The following KCNT2 variants were observed in gnomAD, a reference collection of about 807,000 sequenced individuals.
KCNT2 encodes potassium channel subfamily T member 2.
KCNT2 carries 67 observed loss-of-function variants against 153.8 expected under a neutral mutation model. That is an observed-to-expected ratio of 0.44 (90% CI 0.36 to 0.53). The LOEUF (loss-of-function observed/expected upper bound fraction) is 0.53. KCNT2 is among the 20% of genes least tolerant of loss of function. The pLI is 0.00. For missense variants in KCNT2, 975 were observed against 1,354.8 expected, an observed-to-expected ratio of 0.72 and a Z score of 4.40; for synonymous variants, 500 against 458.8, an observed-to-expected ratio of 1.09 and a Z score of -1.15.
chr1:196,391,914 T>A lies in KCNT2; in HGVS notation c.1294+6649A>T, dbSNP rs1340662398. Among the ~76,000 whole-genome samples the A allele has an allele frequency of 3.3e-5, 5 of 151,422 alleles. No homozygotes were observed. The East Asian group carries it at 9.7e-4, about 29-fold the overall frequency. ...AAACATAAATGTGGTAAAAATAAAA[T>A]TTTGAGTTAATACTGAATTTTAAAA... On this transcript the variant is annotated intron_variant, in intron 13 of 27. Transcript: ENST00000294725.
At chr1:196,280,787 A>T (rs1209801548) in intron 25 of KCNT2, 73 bp downstream of exon 25, 1 of 1,305,160 alleles carries the variant, frequency 7.7e-7, no homozygotes, top group East Asian at 2.3e-5. Flanking sequence ...TTTATAAATC[A>T]GTTTATAAGC....
At chr1:196,434,296 G>T (rs1674423726) in intron 8 of KCNT2, among the ~76,000 whole-genome samples, 1 of 152,008 alleles carries the variant, frequency 6.6e-6, no homozygotes, top group East Asian at 1.9e-4. Flanking sequence ...AGAGAAGAAA[G>T]ATAACATATA....
At chr1:196,361,112 C>A (rs1051984417) in intron 14 of KCNT2, among the ~76,000 whole-genome samples, 10 of 151,786 alleles carry the variant, frequency 6.6e-5, no homozygotes, top group Admixed American at 6.6e-5. Flanking sequence ...GCCTATGGAG[C>A]GGATATGCAG....
chr1:196,588,375 T>A (rs994352570), intron 1 of KCNT2, among the ~76,000 whole-genome samples: 1 of 151,980 alleles, frequency 6.6e-6, no homozygotes, highest in African/African-American at 2.4e-5. Flanking sequence ...AATGAAAACA[T>A]GAATATTATC....
intron 16 of KCNT2, among the ~76,000 whole-genome samples, chr1:196,334,487 C>CTTTCTTTTTTTTTTTTTTTT (rs1553288400): frequency 1.7e-4 from 15 of 87,280 alleles, no homozygotes; most frequent in Admixed American, 6.8e-4. Context: ...TTCTTTCTTT[C>CTTTCTTTTTTTTTTTTTTTT]TTTTTTTTTT....
At chr1:196,366,189 C>T (rs1000918734) in intron 14 of KCNT2, among the ~76,000 whole-genome samples, 17 of 148,238 alleles carry the variant, frequency 1.1e-4, no homozygotes, top group African/African-American at 2.7e-4. Flanking sequence ...GACAGAGTTT[C>T]GCTCTTTTTG....
intron 12 of KCNT2, among the ~76,000 whole-genome samples, chr1:196,419,135 T>A (rs2148508311): frequency 6.6e-6 from 1 of 152,086 alleles, no homozygotes; most frequent in East Asian, 1.9e-4. Context: ...TATAAATAAC[T>A]TCTTTCTACT....
At chr1:196,564,683 GAAAT>G (rs548031418) in intron 1 of KCNT2, among the ~76,000 whole-genome samples, 37 of 151,850 alleles carry the variant, frequency 2.4e-4, no homozygotes, top group Non-Finnish European at 4.4e-4. Flanking sequence ...AGACAGCCTA[GAAAT>G]AAATAGATAC....
intron 8 of KCNT2, among the ~76,000 whole-genome samples, chr1:196,440,286 A>G (rs1353215493): frequency 6.6e-6 from 1 of 152,026 alleles, no homozygotes; most frequent in Non-Finnish European, 1.5e-5. Flanking sequence ...TTGTATGTAT[A>G]TGTTCCTTGA....
intron 13 of KCNT2, among the ~76,000 whole-genome samples, chr1:196,395,551 T>C (rs1408188529): frequency 6.6e-6 from 1 of 151,510 alleles, no homozygotes; most frequent in African/African-American, 2.4e-5. Flanking sequence ...GTATCCTTTT[T>C]AGTATTATAA....
At chr1:196,241,226 G>T (rs911556509) in intron 26 of KCNT2, among the ~76,000 whole-genome samples, 3 of 151,986 alleles carry the variant, frequency 2.0e-5, no homozygotes, top group Admixed American at 2.0e-4. Flanking sequence ...GTTAGTACAA[G>T]AAATACCTTA....
chr1:196,293,761 C>G (rs904805333), intron 22 of KCNT2, among the ~76,000 whole-genome samples: 4 of 151,292 alleles, frequency 2.6e-5, no homozygotes, highest in Non-Finnish European at 5.9e-5. Context: ...CAACATTGCT[C>G]TGGGCAATAA....
At chr1:196,497,522 T>C (rs554532075) in intron 1 of KCNT2, among the ~76,000 whole-genome samples, 1 of 152,308 alleles carries the variant, frequency 6.6e-6, no homozygotes, top group East Asian at 1.9e-4. Context: ...ATGCAAATCT[T>C]ATGCCATTTT....
intron 1 of KCNT2, among the ~76,000 whole-genome samples, chr1:196,596,815 C>T (rs1452283732): frequency 6.6e-6 from 1 of 152,112 alleles, no homozygotes; most frequent in Non-Finnish European, 1.5e-5. Context: ...GATCCTCCTA[C>T]CTCAGCCTCC....
chr1:196,567,294 CT>C (rs1388195533), intron 1 of KCNT2, among the ~76,000 whole-genome samples: 4 of 152,046 alleles, frequency 2.6e-5, no homozygotes, highest in Admixed American at 2.0e-4. Context: ...TACTAGACCA[CT>C]ATGCTTTCTT....
chr1:196,465,284 C>G lies in KCNT2; in HGVS notation c.638+9G>C. ...AACATAACACAAATTCTGATATGTA[C>G]AATCTTACCAGGTGAAGATAAGGCA... is the stretch of plus-strand genomic sequence containing the variant. On this transcript the variant is annotated intron_variant, in intron 8 of 27. Coordinates refer to ENST00000294725, the MANE Select transcript of KCNT2 (RefSeq NM_198503.5). The G allele has an allele frequency of 7.2e-7, 1 of 1,389,882 alleles. No homozygotes were observed. The allele number at this position is 1,389,882 out of a possible 1,614,324, so 86.1% of individuals were successfully genotyped here.
chr1:196,567,662 G>A (rs1199399470), intron 1 of KCNT2, among the ~76,000 whole-genome samples: 2 of 152,194 alleles, frequency 1.3e-5, no homozygotes, highest in Non-Finnish European at 2.9e-5. Context: ...TCTTCTGTGT[G>A]ATGGCTTCTG....
intron 12 of KCNT2, among the ~76,000 whole-genome samples, chr1:196,404,935 T>A (rs1419253461): frequency 6.6e-6 from 1 of 151,638 alleles, no homozygotes; most frequent in African/African-American, 2.4e-5. Flanking sequence ...ATATTTCAAT[T>A]CAATGGATGA....
chr1:196,602,770 ATTTTTTTTTTT>A (rs148932905), intron 1 of KCNT2, among the ~76,000 whole-genome samples: 1 of 84,630 alleles, frequency 1.2e-5, no homozygotes, highest in Non-Finnish European at 2.0e-5. Context: ...TTCAAAGTCT[ATTTTTTTTTTT>A]TTTTTTTTTT....
Sources: gnomAD v4.1 joint callset for allele counts (sites outside exome capture counted in the v4.1 genomes callset) on GRCh38, gnomAD v4.1.1 for gene constraint, MANE v1.5 for transcripts, NCBI Gene and HGNC (gene_info 2026-07-23, HGNC 2026-07-21) for gene names.